Variants in NUP133 observed in about 807,000 individuals in gnomAD.
NUP133 encodes nuclear pore complex protein Nup133.
A neutral mutation model predicts 146.2 loss-of-function variants in NUP133; 66 were observed. That is an observed-to-expected ratio of 0.45 (90% CI 0.37 to 0.55). The LOEUF is 0.55. Ranked by LOEUF, NUP133 falls within the 20% of genes least tolerant of loss-of-function variation. The probability of loss-of-function intolerance (pLI) is 0.00; values close to 1 mark genes in which losing one functional copy is unlikely to be tolerated. For synonymous variants in NUP133, 521 were observed against 498.8 expected (o/e 1.04, Z -0.59); for missense variants, 1,277 against 1,374.8 (o/e 0.93, Z 1.12).
At chr1:229,448,158 G>A (rs2102746459) in intron 24 of NUP133, among the ~76,000 whole-genome samples, 1 of 152,392 alleles carries the variant, frequency 6.6e-6, no homozygotes, top group African/African-American at 2.4e-5. Context: ...GCCGGGCGTG[G>A]TGGCTCACGC....
chr1:229,487,454 C>T lies in NUP133; in HGVS notation c.1342+12G>A, dbSNP rs1661383345. 1.9e-6 allele frequency: 3 copies of T among 1,605,944 alleles called. No individual in the cohort carries two copies. Among genetic ancestry groups the T allele is most frequent in the Admixed American group, 3.5e-5 (2 of 57,310 alleles). On this transcript the variant is annotated intron_variant, in intron 10 of 25. Transcript: ENST00000261396. ...AGCTCACCAATCATGCTTTCTAAAA[C>T]TGCTACTGTACCTTGTGCATTAAAG...
intron 2 of NUP133, among the ~76,000 whole-genome samples, chr1:229,503,984 T>TA (rs1205135879): frequency 6.6e-6 from 1 of 152,106 alleles, no homozygotes; most frequent in African/African-American, 2.4e-5. Context: ...TACCAATATA[T>TA]ATATATACAT....
Position 229,464,836 on chromosome 1 carries a change from C to A in NUP133, c.2339G>T (p.Arg780Leu). Residue 780 changes from arginine (R) to leucine (L), a missense_variant, in exon 18 of 26, where the codon CGC (arginine) becomes CTC (leucine). Around this residue, in one of 3 missense-constraint regions of NUP133, gnomAD observed 952 missense variants for 1,047.0 expected, o/e 0.91. Transcript: ENST00000261396. ...GPGGIRTVII[R>L]QHEIVLKVAY... ...CACCTTCAGGACAATCTCATGCTGGCGTATTATTACCGTTCGGATGCCACC... is the reference window on the plus strand; with the variant it reads ...CACCTTCAGGACAATCTCATGCTGGAGTATTATTACCGTTCGGATGCCACC... 6.2e-7 allele frequency: 1 copy of A among 1,614,106 alleles called. No homozygotes were observed.
intron 19 of NUP133, among the ~76,000 whole-genome samples, chr1:229,461,962 C>T (rs1660702597): frequency 6.6e-6 from 1 of 151,652 alleles, no homozygotes. Flanking sequence ...TGGCTCACTG[C>T]AACCTCCTCC....
chr1:229,483,947 G>T, intron 12 of NUP133, 107 bp downstream of exon 12: 1 of 708,682 alleles, frequency 1.4e-6, no homozygotes, highest in Non-Finnish European at 2.4e-6. Context: ...TTCTCCTCTT[G>T]ATAGCATCAT....
At chr1:229,456,209 G>A (rs1294719623) in intron 21 of NUP133, among the ~76,000 whole-genome samples, 1 of 152,134 alleles carries the variant, frequency 6.6e-6, no homozygotes, top group African/African-American at 2.4e-5. Context: ...TGATGACAGG[G>A]TCTATTAGAT....
Position 229,458,423 on chromosome 1 carries a change from C to A in NUP133, c.2845-127G>T, listed in dbSNP as rs548199085. 491 of 842,372 alleles carry A rather than the reference C, an allele frequency of 5.8e-4. 2 individuals are homozygous for A. The Middle Eastern group carries it at 6.3e-3, about 11-fold the overall frequency. The allele number at this position is 842,372 out of a possible 1,614,324, so 52.2% of individuals were successfully genotyped here. On this transcript the variant is annotated intron_variant, in intron 20 of 25. Coordinates refer to ENST00000261396, the MANE Select transcript of NUP133 (RefSeq NM_018230.3). ...CAATGAATGAGAAGTCAACAGTTAG[C>A]AAACCTAAAAACTGAGCAGTACGTA...
At chr1:229,464,496 T>G in intron 18 of NUP133, 128 bp downstream of exon 18, 1 of 1,086,956 alleles carries the variant, frequency 9.2e-7, no homozygotes, top group Non-Finnish European at 1.3e-6. Context: ...CAGAAAGCTG[T>G]GCATATTTGC....
intron 2 of NUP133, among the ~76,000 whole-genome samples, chr1:229,502,797 T>TAAAAAAA (rs776726500): frequency 8.0e-6 from 1 of 124,928 alleles, no homozygotes; most frequent in African/African-American, 2.9e-5. Flanking sequence ...CTCTCTCTCT[T>TAAAAAAA]AAAAAAAAAA....
chr1:229,505,698 C>A (rs1661917649), intron 2 of NUP133, among the ~76,000 whole-genome samples: 1 of 151,574 alleles, frequency 6.6e-6, no homozygotes. Flanking sequence ...ACCAGCCTGG[C>A]CAACATGGTG....
rs756200848 is a variant in NUP133 at position 229,452,583 on chromosome 1, G to T, written c.3041C>A (p.Ala1014Glu). 6.2e-7 allele frequency: 1 copy of T among 1,613,854 alleles called. No homozygotes were observed. Among genetic ancestry groups the T allele is most frequent in the Admixed American group, 1.7e-5 (1 of 60,000 alleles). ...CGCACTGAGATTTAGCTGTTTCTCC[G>T]CCAGCAGCTGTTCAGGTAGGGTCTC... The part of the protein sequence containing the change: ...HQETLPEQLL[A>E]EKQLNLSAMP... Residue 1014 changes from alanine (A) to glutamate (E), a missense_variant, in exon 22 of 26, where the codon GCG (alanine) becomes GAG (glutamate). Around this residue, in one of 3 missense-constraint regions of NUP133, gnomAD observed 952 missense variants for 1,047.0 expected, o/e 0.91. Transcript: ENST00000261396.
intron 2 of NUP133, among the ~76,000 whole-genome samples, chr1:229,505,564 TAAA>T (rs56383157): frequency 3.8e-4 from 24 of 63,236 alleles, no homozygotes; most frequent in African/African-American, 1.3e-3. Context: ...CAATTACAGT[TAAA>T]AAAAAAAAAA....
At chr1:229,489,316 C>T (rs1661452695) in intron 9 of NUP133, among the ~76,000 whole-genome samples, 1 of 152,074 alleles carries the variant, frequency 6.6e-6, no homozygotes, top group South Asian at 2.1e-4. Context: ...CTCATCATGC[C>T]CAGCTTGGTT....
chr1:229,487,384 G>T, intron 10 of NUP133, 82 bp downstream of exon 10: 1 of 1,320,612 alleles, frequency 7.6e-7, no homozygotes, highest in Non-Finnish European at 1.1e-6. Context: ...CATGCTTGAA[G>T]TGACATTCAG....
intron 2 of NUP133, among the ~76,000 whole-genome samples, chr1:229,502,352 G>T (rs750542997): frequency 1.5e-4 from 23 of 151,980 alleles, no homozygotes; most frequent in Admixed American, 9.8e-4. Flanking sequence ...GAGGTCAGGA[G>T]ATCGAGACCA....
At chr1:229,492,097 T>C (rs900851039) in intron 8 of NUP133, among the ~76,000 whole-genome samples, 1 of 152,020 alleles carries the variant, frequency 6.6e-6, no homozygotes, top group South Asian at 2.1e-4. Flanking sequence ...CTAATACTAC[T>C]ACTAGCAACA....
Position 229,444,974 on chromosome 1 carries a change from G to A in NUP133, c.3274C>T (p.Pro1092Ser). The A allele has an allele frequency of 6.2e-7, 1 of 1,611,974 alleles. No individual in the cohort carries two copies. The highest frequency in any genetic ancestry group is 1.3e-5 in the African/African-American group (1 of 74,936). Residue 1092 changes from proline to serine, a missense_variant, in exon 25 of 26, where the codon CCA (proline) becomes TCA (serine). By Grantham distance (74) the Pro-to-Ser change is moderately conservative. This residue lies in a region of NUP133 where 952 missense variants were observed against 1,047.0 expected (regional missense o/e 0.91). Coordinates refer to ENST00000261396, the MANE Select transcript of NUP133 (RefSeq NM_018230.3). ...ATACTGTCTTTAGATACTTCAATTG[G>A]ATCATCTTTGCCATCAGAACTGGAC... The part of the protein sequence containing the change: ...NWSSSDGKDD[P>S]IEVSKDSIFV...
At chr1:229,507,935 G>A in intron 1 of NUP133, 133 bp downstream of exon 1, 1 of 1,265,838 alleles carries the variant, frequency 7.9e-7, no homozygotes, top group Non-Finnish European at 1.0e-6. Flanking sequence ...CAGTGGAAAA[G>A]GTCTATTTTC....
rs889557084 is a variant in NUP133, at chr1:229,508,084, T to C, written c.166A>G (p.Ser56Gly). Residue 56 changes from serine to glycine, a missense_variant, in exon 1 of 26, where the codon AGC (serine) becomes GGC (glycine). Physicochemically the swap from Ser to Gly is moderately conservative, Grantham distance 56. Transcript: ENST00000261396. Reference protein sequence around the residue: ...PVLFSPVGRRSSLSSRGTPTR... With the variant: ...PVLFSPVGRRGSLSSRGTPTR... ...ATCACTTACCGCGAGCTTAGCGAGC[T>C]ACGCCGGCCGACCGGCGAGAAGAGC... 4.7e-6 allele frequency: 7 copies of C among 1,502,708 alleles called. No individual in the cohort carries two copies. In the Admixed American group the frequency reaches 9.3e-5, roughly 20 times the overall value. The allele number at this position is 1,502,708 out of a possible 1,614,324, so 93.1% of individuals were successfully genotyped here. A position where few individuals can be genotyped will look rare whatever the true frequency, so the allele number is the denominator to read the frequency against.
Sources: gnomAD v4.1 joint callset for allele counts (sites outside exome capture counted in the v4.1 genomes callset) on GRCh38, gnomAD v4.1.1 for gene constraint, gnomAD v4.1.1 regional missense constraint, MANE v1.5 for transcripts, NCBI Gene and HGNC (gene_info 2026-07-23, HGNC 2026-07-21) for gene names.